TRMT6: variants seen among roughly 807,000 people sequenced by gnomAD.
TRMT6 encodes the protein tRNA (adenine(58)-N(1))-methyltransferase non-catalytic subunit TRM6.
Under a neutral mutation model 59.0 loss-of-function variants are expected in TRMT6, and 34 were observed. The observed-to-expected ratio is 0.58, with a 90% CI of 0.44 to 0.77. The LOEUF is 0.77. TRMT6 is among the 30% of genes least tolerant of loss of function. The pLI is 0.00. For synonymous variants in TRMT6, 217 were observed against 210.5 expected (o/e 1.03, Z -0.27); for missense variants, 575 against 604.5 (o/e 0.95, Z 0.51).
At chr20:5,941,690 C>T in intron 8 of TRMT6, 1 of 546,048 alleles carries the variant, frequency 1.8e-6, no homozygotes, top group East Asian at 3.0e-5. Flanking sequence ...GTGCCCCATC[C>T]CCTGCATCCA....
At chr20:5,949,796 A>T (rs2088762114) in intron 1 of TRMT6, among the ~76,000 whole-genome samples, 1 of 152,032 alleles carries the variant, frequency 6.6e-6, no homozygotes. Flanking sequence ...TCTATGGTGG[A>T]AAAAAAGGGG....
Position 5,938,690 on chromosome 20 carries a change from T to G in TRMT6, c.1339A>C (p.Ser447Arg), listed in dbSNP as rs1344461046. ...PDRSHPKLLM[S>R]GGGGYLLSGF... ...GAGAGAAGATAACCCCCACCTCCAC[T>G]CATCAGCAGTTTAGGATGACTTCGA... Residue 447 changes from serine (S) to arginine (R), a missense_variant, in exon 11 of 11, where the codon AGT (serine) becomes CGT (arginine). Ser to Arg is a moderately radical substitution (Grantham distance 110, BLOSUM62 -1). Transcript: ENST00000203001. The G allele has an allele frequency of 6.2e-7, 1 of 1,614,178 alleles. No homozygotes were observed. Among genetic ancestry groups the G allele is most frequent in the East Asian group, 2.2e-5 (1 of 44,884 alleles).
At chr20:5,939,516 A>G (rs2088638499) in intron 10 of TRMT6, among the ~76,000 whole-genome samples, 1 of 151,764 alleles carries the variant, frequency 6.6e-6, no homozygotes, top group South Asian at 2.1e-4. Flanking sequence ...AAGAAAAAGA[A>G]CTGAAGCAGT....
In TRMT6 at chr20:5,950,363, G is replaced by C; in HGVS notation, c.43C>G (p.Pro15Ala). 6.2e-7 allele frequency: 1 copy of C among 1,610,578 alleles called. No homozygotes were observed. The highest frequency in any genetic ancestry group is 8.5e-7 in the Non-Finnish European group (1 of 1,179,894). The change falls in exon 1 of 11, where the codon CCC becomes GCC. Residue 15 changes from proline (P) to alanine (A), a missense_variant. Transcript: ENST00000203001. ...CCGTCGCGGATGCGGTGGTCTCCGGGATGCTGTGGTTGTGGGCCCGGCTGC... is the reference window on the plus strand; with the variant it reads ...CCGTCGCGGATGCGGTGGTCTCCGGCATGCTGTGGTTGTGGGCCCGGCTGC... ...GEQPGPQPQH[P>A]GDHRIRDGDF... is the part of the protein sequence containing the mutation.
At chr20:5,946,600 T>C (rs1307355214) in intron 1 of TRMT6, 67 bp from the exon 2 acceptor site, 2 of 1,492,568 alleles carry the variant, frequency 1.3e-6, no homozygotes, top group Admixed American at 3.6e-5. Context: ...ACATGTTCAC[T>C]ACAGTTTATT....
chr20:5,945,225 A>G (rs1346267484), intron 2 of TRMT6, among the ~76,000 whole-genome samples: 1 of 152,236 alleles, frequency 6.6e-6, no homozygotes, highest in Non-Finnish European at 1.5e-5. Context: ...CACTCCAAAG[A>G]TGACCTGCAA....
At chr20:5,947,329 G>A (rs1325401812) in intron 1 of TRMT6, among the ~76,000 whole-genome samples, 1 of 152,172 alleles carries the variant, frequency 6.6e-6, no homozygotes, top group African/African-American at 2.4e-5. Flanking sequence ...ACAGAACACT[G>A]AATTCTGGGA....
At chr20:5,941,930 T>C in intron 8 of TRMT6, 21 bp downstream of exon 8, 1 of 1,607,168 alleles carries the variant, frequency 6.2e-7, no homozygotes, top group African/African-American at 1.3e-5. Flanking sequence ...AGGAGTCTCC[T>C]GCCTTCTTCC....
At chr20:5,946,246 A>C (rs894750587) in intron 2 of TRMT6, among the ~76,000 whole-genome samples, 160 bp downstream of exon 2, 1 of 152,226 alleles carries the variant, frequency 6.6e-6, no homozygotes, top group Admixed American at 6.5e-5. Flanking sequence ...TCATGGCCAA[A>C]GGCAGTACTT....
intron 10 of TRMT6, among the ~76,000 whole-genome samples, chr20:5,940,157 ATCC>A (rs1289740037): frequency 1.4e-4 from 21 of 152,168 alleles, no homozygotes; most frequent in Admixed American, 7.8e-4. Flanking sequence ...TCTTCCTACC[ATCC>A]TCCTTTCTCT....
chr20:5,947,919 C>CCCTGGCTACAGGTGGG (rs2088721680), intron 1 of TRMT6, among the ~76,000 whole-genome samples: 2 of 152,056 alleles, frequency 1.3e-5, no homozygotes, highest in African/African-American at 2.4e-5. Flanking sequence ...GGTGTAGTGG[C>CCCTGGCTACAGGTGGG]ACACACCTGT....
chr20:5,944,989 C>T lies in TRMT6; in HGVS notation c.257-75G>A, dbSNP rs112528527. On this transcript the variant is annotated intron_variant, in intron 2 of 10. Coordinates refer to ENST00000203001, the MANE Select transcript of TRMT6 (RefSeq NM_015939.5). ...CACTTTCTTTTTCTGAGTTCATATC[C>T]ACATCCAGTCCATCAGCCACTCAAG... 2.3e-3 allele frequency: 2,662 copies of T among 1,176,052 alleles called. 25 individuals carry two copies. The African/African-American group carries it at 0.028, about 12-fold the overall frequency. The allele number at this position is 1,176,052 out of a possible 1,614,324, so 72.9% of individuals were successfully genotyped here. A position where few individuals can be genotyped will look rare whatever the true frequency, so the allele number is the denominator to read the frequency against.
intron 10 of TRMT6, 94 bp from the exon 11 acceptor site, chr20:5,938,820 G>T: frequency 8.9e-7 from 1 of 1,118,274 alleles, no homozygotes; most frequent in Non-Finnish European, 1.2e-6. Flanking sequence ...AAACAACACA[G>T]GTTCTCTTGA....
Position 5,943,552 on chromosome 20 carries a change from A to G in TRMT6, c.667+7T>C. The G allele has an allele frequency of 1.2e-6, 2 of 1,613,612 alleles. No individual in the cohort carries two copies. The highest frequency in any genetic ancestry group is 1.7e-6 in the Non-Finnish European group (2 of 1,179,878). ...GTTTTGTTGAAAATGGAAATATTAA[A>G]TCTTACCTCCCATTCGTTCCATCAT... On this transcript the variant is annotated splice_region_variant and intron_variant, in intron 6 of 10. Coordinates refer to ENST00000203001, the MANE Select transcript of TRMT6 (RefSeq NM_015939.5).
chr20:5,939,548 T>C (rs145422255), intron 10 of TRMT6, among the ~76,000 whole-genome samples: 1 of 152,054 alleles, frequency 6.6e-6, no homozygotes, highest in Non-Finnish European at 1.5e-5. Context: ...CCCAGGTTTA[T>C]CTAGAAACTG....
rs764406618 is a variant in TRMT6, at chr20:5,943,954, T to C, written c.536A>G (p.Lys179Arg). 1.2e-6 allele frequency: 2 copies of C among 1,607,214 alleles called. No individual in the cohort carries two copies. Among genetic ancestry groups the C allele is most frequent in the South Asian group, 2.2e-5 (2 of 89,048 alleles). ...SIMYYAREPGKINHMRYDTLA... is the reference protein window; with the variant it reads ...SIMYYAREPGRINHMRYDTLA... ...GAAAGGAAACAAAGCGTACTTAATTTTTCCAGGTTCTCTTGCATAATACAT... is the reference window on the plus strand; with the variant it reads ...GAAAGGAAACAAAGCGTACTTAATTCTTCCAGGTTCTCTTGCATAATACAT... Residue 179 changes from lysine (K) to arginine (R), a missense_variant, in exon 5 of 11, where the codon AAA becomes AGA. Lys to Arg is a conservative substitution (Grantham distance 26). Coordinates refer to ENST00000203001, the MANE Select transcript of TRMT6 (RefSeq NM_015939.5).
In TRMT6 at chr20:5,942,488, T is replaced by C. The variant is rs2088665935; in HGVS notation, c.966A>G (p.Glu322=). The C allele has an allele frequency of 1.2e-6, 2 of 1,613,982 alleles. No homozygotes were observed. Among genetic ancestry groups the C allele is most frequent in the African/African-American group, 2.7e-5 (2 of 74,882 alleles). Residue 322 remains glutamate, a synonymous_variant, in exon 7 of 11, where the codon GAA becomes GAG. Coordinates refer to ENST00000203001, the MANE Select transcript of TRMT6 (RefSeq NM_015939.5). Reference sequence around the variant, plus strand: ...TATGTTCTGGATCTTGAGAAATTGTTTCCATTGTTTCCTGGTCTTCTGGGT... The same window carrying C: ...TATGTTCTGGATCTTGAGAAATTGTCTCCATTGTTTCCTGGTCTTCTGGGT... ...SNHPEDQETM[E]TISQDPEHKG... is the part of the protein sequence containing the mutation.
chr20:5,942,903 A>C, intron 6 of TRMT6, 117 bp from the exon 7 acceptor site: 1 of 781,738 alleles, frequency 1.3e-6, no homozygotes, highest in Non-Finnish European at 2.1e-6. Context: ...CTTTATTCAG[A>C]GGCTGAAGGA....
At chr20:5,942,108 T>G in intron 7 of TRMT6, 72 bp from the exon 8 acceptor site, 2 of 1,259,242 alleles carry the variant, frequency 1.6e-6, no homozygotes, top group Non-Finnish European at 2.3e-6. Context: ...CTCTGGCCTG[T>G]CAAAACATTT....
Sources: allele counts gnomAD v4.1 joint callset (sites outside exome capture counted in the v4.1 genomes callset), GRCh38; gene constraint gnomAD v4.1.1; transcripts MANE v1.5; gene names NCBI Gene and HGNC (gene_info 2026-07-23, HGNC 2026-07-21).